The following EGFLAM variants were observed in gnomAD, a reference collection of about 807,000 sequenced individuals.
The protein encoded by EGFLAM is pikachurin.
In EGFLAM, 79 loss-of-function variants were observed where a neutral mutation model predicts 113.1. The observed-to-expected ratio is 0.70, with a 90% CI of 0.58 to 0.84. The LOEUF is 0.84. EGFLAM is among the 40% of genes least tolerant of loss of function. The pLI is 0.00. For synonymous variants in EGFLAM, 504 were observed against 487.6 expected (o/e 1.03, Z -0.44); for missense variants, 1,265 against 1,291.6 (o/e 0.98, Z 0.32).
chr5:38,258,815 G>A lies in EGFLAM; in HGVS notation c.61G>A (p.Gly21Ser). 1 of 1,612,404 alleles carries A rather than the reference G, an allele frequency of 6.2e-7. No homozygotes were observed. The highest frequency in any genetic ancestry group is 1.1e-5 in the South Asian group (1 of 91,036). Residue 21 changes from glycine (G) to serine (S), a missense_variant, in exon 1 of 22, where the codon GGC becomes AGC. Transcript: ENST00000322350. Reference sequence around the variant, plus strand: ...GCTCCTGGCTTCCAGCCTCGGACCCGGCGCGGTGTCGCTCCGAGCGGCCAT... The same window carrying A: ...GCTCCTGGCTTCCAGCCTCGGACCCAGCGCGGTGTCGCTCCGAGCGGCCAT... ...LLLLASSLGP[G>S]AVSLRAAIRK...
intron 17 of EGFLAM, among the ~76,000 whole-genome samples, chr5:38,441,851 T>A (rs1429680257): frequency 6.6e-6 from 1 of 152,154 alleles, no homozygotes; most frequent in Non-Finnish European, 1.5e-5. Flanking sequence ...CCCTTCCCTG[T>A]GTTTCTAGAA....
At chr5:38,394,731 TA>T in intron 6 of EGFLAM, among the ~76,000 whole-genome samples, 1 of 149,518 alleles carries the variant, frequency 6.7e-6, no homozygotes, top group Admixed American at 6.6e-5. Context: ...TTTTTTTTTT[TA>T]ACTCTAATGC....
intron 1 of EGFLAM, among the ~76,000 whole-genome samples, chr5:38,287,909 T>C (rs1758207493): frequency 6.6e-6 from 1 of 152,234 alleles, no homozygotes; most frequent in African/African-American, 2.4e-5. Context: ...ATATGCCAGG[T>C]ATTGTGCTAA....
chr5:38,345,835 A>G (rs1739460299), intron 3 of EGFLAM: 1 of 152,188 alleles, frequency 6.6e-6, no homozygotes, highest in African/African-American at 2.4e-5. Flanking sequence ...TGATGGTAAG[A>G]CCTTTAAGGA....
chr5:38,463,813 C>G lies in EGFLAM; in HGVS notation c.2876-19C>G, dbSNP rs752177147. The G allele has an allele frequency of 2.5e-6, 4 of 1,611,028 alleles. No individual in the cohort carries two copies. The highest frequency in any genetic ancestry group is 3.4e-6 in the Non-Finnish European group (4 of 1,178,332). On this transcript the variant is annotated intron_variant, in intron 21 of 21. Coordinates refer to ENST00000322350, the MANE Select transcript of EGFLAM (RefSeq NM_152403.4). ...ACCTGTCCTTTGGCTCACCTCATCT[C>G]CCTCTTGCTTCCTGGCAGGTGGAAT...
intron 19 of EGFLAM, among the ~76,000 whole-genome samples, chr5:38,453,752 A>G (rs1033970845): frequency 1.3e-5 from 2 of 152,150 alleles, no homozygotes; most frequent in African/African-American, 4.8e-5. Context: ...GATTGTGCCC[A>G]GAAAAGAGAA....
At chr5:38,425,201 CA>C (rs1235342744) in intron 13 of EGFLAM, 109 bp downstream of exon 13, 1 of 1,471,120 alleles carries the variant, frequency 6.8e-7, no homozygotes, top group Non-Finnish European at 9.1e-7. Context: ...GTTTTTGAGA[CA>C]AAGGCTCCCT....
rs143500580 is a variant in EGFLAM at position 38,406,196 on chromosome 5, T to C, written c.783T>C (p.Asp261=). ...YITDMGAGED[D]EGFEDDLDLD... ...CCGACATGGGAGCTGGTGAGGATGA[T>C]GAAGGATTTGAAGACGACTTAGATT... The change falls in exon 7 of 22, where the codon GAT becomes GAC. Residue 261 remains aspartate (D), a synonymous_variant. Coordinates refer to ENST00000322350, the MANE Select transcript of EGFLAM (RefSeq NM_152403.4). 5.0e-6 allele frequency: 8 copies of C among 1,614,004 alleles called. No homozygotes were observed. Among genetic ancestry groups the C allele is most frequent in the East Asian group, 2.2e-5 (1 of 44,890 alleles).
intron 16 of EGFLAM, among the ~76,000 whole-genome samples, chr5:38,437,630 A>G (rs1309157345): frequency 6.6e-6 from 1 of 152,196 alleles, no homozygotes; most frequent in Non-Finnish European, 1.5e-5. Context: ...GGGTCTGGGC[A>G]TTAGTATTTC....
At chr5:38,284,833 C>T (rs1478810940) in intron 1 of EGFLAM, among the ~76,000 whole-genome samples, 3 of 152,156 alleles carry the variant, frequency 2.0e-5, no homozygotes, top group African/African-American at 4.8e-5. Flanking sequence ...ATAAAGACAT[C>T]ACCAAATAAA....
intron 13 of EGFLAM, among the ~76,000 whole-genome samples, chr5:38,425,932 G>A (rs967461287): frequency 7.9e-5 from 12 of 152,032 alleles, no homozygotes; most frequent in African/African-American, 2.2e-4. Context: ...GTGAAACTCC[G>A]TTTCTACTAA....
chr5:38,313,884 G>A (rs949299464), intron 1 of EGFLAM, among the ~76,000 whole-genome samples: 4 of 151,856 alleles, frequency 2.6e-5, no homozygotes, highest in Non-Finnish European at 2.9e-5. Flanking sequence ...TTTTGTATTC[G>A]TTCTTTATAT....
intron 12 of EGFLAM, among the ~76,000 whole-genome samples, chr5:38,421,890 G>A (rs1741835702): frequency 6.6e-6 from 1 of 152,154 alleles, no homozygotes; most frequent in Non-Finnish European, 1.5e-5. Context: ...CCATGATCTA[G>A]TTTGTGATTT....
Position 38,463,834 on chromosome 5 carries a change from G to A in EGFLAM, c.2878G>A (p.Gly960Arg). 6.2e-7 allele frequency: 1 copy of A among 1,612,744 alleles called. No homozygotes were observed. Among genetic ancestry groups the A allele is most frequent in the Non-Finnish European group, 8.5e-7 (1 of 1,179,342 alleles). Residue 960 changes from glycine (G) to arginine (R), a missense_variant and splice_region_variant, in exon 22 of 22, where the codon GGA becomes AGA. Transcript: ENST00000322350. ...ATCTCCCTCTTGCTTCCTGGCAGGT[G>A]GAATGAAGGAAATTGCTCTGCACAC... is the stretch of plus-strand genomic sequence containing the variant. Reference protein sequence around the residue: ...LNINGALYVGGMKEIALHTNR... With the variant: ...LNINGALYVGRMKEIALHTNR...
chr5:38,267,112 A>T (rs1384342722), intron 1 of EGFLAM, among the ~76,000 whole-genome samples: 6 of 152,232 alleles, frequency 3.9e-5, no homozygotes, highest in Admixed American at 2.6e-4. Flanking sequence ...TATACATCCC[A>T]GTGCTTTGAT....
intron 17 of EGFLAM, among the ~76,000 whole-genome samples, chr5:38,444,365 G>A (rs1742641298): frequency 6.6e-6 from 1 of 152,132 alleles, no homozygotes; most frequent in African/African-American, 2.4e-5. Context: ...AAAATTACAG[G>A]GAGATAGGAG....
At chr5:38,426,501 A>G (rs1038099232) in intron 13 of EGFLAM, among the ~76,000 whole-genome samples, 1 of 152,132 alleles carries the variant, frequency 6.6e-6, no homozygotes, top group Non-Finnish European at 1.5e-5. Context: ...ATTGGGGAAA[A>G]CTTTTGTGAT....
At chr5:38,450,095 A>G (rs577692819) in intron 18 of EGFLAM, among the ~76,000 whole-genome samples, 1 of 152,320 alleles carries the variant, frequency 6.6e-6, no homozygotes, top group East Asian at 1.9e-4. Context: ...ATCTCATTGG[A>G]CAAAAGGGAT....
At chr5:38,325,195 G>A (rs1285293831) in intron 1 of EGFLAM, among the ~76,000 whole-genome samples, 2 of 152,162 alleles carry the variant, frequency 1.3e-5, no homozygotes, top group African/African-American at 4.8e-5. Flanking sequence ...GTGAAGGGGA[G>A]GGGAGAGGAA....
Sources: allele counts gnomAD v4.1 joint callset (sites outside exome capture counted in the v4.1 genomes callset), GRCh38; gene constraint gnomAD v4.1.1; transcripts MANE v1.5; gene names NCBI Gene and HGNC (gene_info 2026-07-23, HGNC 2026-07-21).